Variants in SGMS1 observed in about 807,000 individuals in gnomAD.
The protein encoded by SGMS1 is phosphatidylcholine:ceramide cholinephosphotransferase 1.
A neutral mutation model predicts 46.2 loss-of-function variants in SGMS1; 13 were observed. The ratio of observed to expected loss-of-function variants is 0.28; its 90% CI spans 0.18 to 0.45. SGMS1 has a LOEUF of 0.45. Ranked by LOEUF, SGMS1 falls within the 20% of genes least tolerant of loss-of-function variation. The pLI is 1.00. For missense variants in SGMS1, 324 were observed against 519.9 expected (o/e 0.62, Z 3.66); for synonymous variants, 203 against 187.8 (o/e 1.08, Z -0.66).
chr10:50,508,314 T>C (rs911875667), intron 3 of SGMS1, among the ~76,000 whole-genome samples: 1 of 152,200 alleles, frequency 6.6e-6, no homozygotes, highest in African/African-American at 2.4e-5. Context: ...GGGGTCTCCA[T>C]GTCCTCATAG....
At chr10:50,425,679 A>C (rs1200552253) in intron 6 of SGMS1, among the ~76,000 whole-genome samples, 1 of 152,204 alleles carries the variant, frequency 6.6e-6, no homozygotes, top group East Asian at 1.9e-4. Flanking sequence ...ATTGTACTCC[A>C]AAACTCAGCA....
chr10:50,596,892 C>A lies in SGMS1; in HGVS notation c.-683-6645G>T, dbSNP rs140623064. Among the ~76,000 whole-genome samples the A allele has an allele frequency of 6.0e-4, 92 of 152,322 alleles. 1 individual carries two copies. The East Asian group carries it at 0.016, about 26-fold the overall frequency. ...ACACTGACTTGCTTAAAGTCAGTGA[C>A]TGCTAGTCCCACAGACTAGCAGATG... On this transcript the variant is annotated intron_variant, in intron 1 of 10. Transcript: ENST00000361781.
At chr10:50,544,072 C>T (rs1445224511) in intron 2 of SGMS1, among the ~76,000 whole-genome samples, 1 of 145,390 alleles carries the variant, frequency 6.9e-6, no homozygotes, top group African/African-American at 2.8e-5. Flanking sequence ...GGTTCTGATA[C>T]ATTTATTTCT....
At chr10:50,391,004 T>C (rs1038525741) in intron 6 of SGMS1, among the ~76,000 whole-genome samples, 1 of 152,186 alleles carries the variant, frequency 6.6e-6, no homozygotes, top group African/African-American at 2.4e-5. Context: ...AGAGGGGCTA[T>C]GCACTCTGCC....
intron 8 of SGMS1, among the ~76,000 whole-genome samples, chr10:50,322,004 C>T (rs1482015386): frequency 6.6e-6 from 1 of 152,210 alleles, no homozygotes; most frequent in East Asian, 1.9e-4. Context: ...AATATGAAGG[C>T]TGTTCTGCTG....
intron 1 of SGMS1, among the ~76,000 whole-genome samples, chr10:50,620,884 A>T (rs569652124): frequency 1.2e-4 from 18 of 152,144 alleles, no homozygotes; most frequent in Non-Finnish European, 2.4e-4. Context: ...TTTTAGTTAA[A>T]AATAATAATA....
chr10:50,368,327 T>A (rs1848381906), intron 6 of SGMS1, among the ~76,000 whole-genome samples: 1 of 152,116 alleles, frequency 6.6e-6, no homozygotes, highest in Non-Finnish European at 1.5e-5. Context: ...CTACAAATAT[T>A]TATTCTTGCT....
chr10:50,415,673 T>C (rs1477070229), intron 6 of SGMS1, among the ~76,000 whole-genome samples: 1 of 152,136 alleles, frequency 6.6e-6, no homozygotes, highest in Non-Finnish European at 1.5e-5. Flanking sequence ...TATGATGATA[T>C]GCCCACAGAT....
At chr10:50,431,973 C>T (rs1389950380) in intron 6 of SGMS1, among the ~76,000 whole-genome samples, 3 of 152,160 alleles carry the variant, frequency 2.0e-5, no homozygotes, top group Non-Finnish European at 4.4e-5. Context: ...TTGGTTTTGG[C>T]ATCTATTTTC....
At chr10:50,390,246 C>T (rs117846124) in intron 6 of SGMS1, among the ~76,000 whole-genome samples, 3,078 of 152,312 alleles carry the variant, frequency 0.02, 50 homozygotes, top group Middle Eastern at 0.034. Context: ...AATACACCTG[C>T]AGCAGACAAG....
intron 2 of SGMS1, among the ~76,000 whole-genome samples, chr10:50,537,593 C>G (rs3011786): frequency 0.17 from 25,334 of 149,944 alleles, 2,867 homozygotes; most frequent in Non-Finnish European, 0.25. Context: ...TCTCTTAATG[C>G]TATCCCTCCC....
chr10:50,582,783 G>A (rs908536256), intron 2 of SGMS1, among the ~76,000 whole-genome samples: 3 of 152,168 alleles, frequency 2.0e-5, no homozygotes, highest in African/African-American at 7.2e-5. Context: ...TTTAATCCAG[G>A]CCTACTTTCT....
rs1039964328 is a variant in SGMS1 at position 50,308,159 on chromosome 10, G to A, written c.896-11C>T. The stretch of plus-strand genomic sequence containing the variant: ...GTCGCCGAGGGGAATCTGAAAGGGG[G>A]AGAGATTTGCAATAGTCCCATTATT... On this transcript the variant is annotated splice_polypyrimidine_tract_variant and intron_variant, in intron 9 of 10. Transcript: ENST00000361781. The A allele has an allele frequency of 2.7e-5, 43 of 1,610,706 alleles. No homozygotes were observed. Among genetic ancestry groups the A allele is most frequent in the Non-Finnish European group, 3.5e-5 (41 of 1,178,038 alleles).
At chr10:50,524,487 C>T (rs1325020584) in intron 2 of SGMS1, among the ~76,000 whole-genome samples, 1 of 152,146 alleles carries the variant, frequency 6.6e-6, no homozygotes, top group African/African-American at 2.4e-5. Context: ...AAAATTTTTT[C>T]ATGCTAACCA....
At chr10:50,335,004 A>C (rs1847692550) in intron 7 of SGMS1, 1 of 152,224 alleles carries the variant, frequency 6.6e-6, no homozygotes, top group Admixed American at 6.5e-5. Flanking sequence ...TCATCAAGGG[A>C]GTACAGGGCA....
chr10:50,616,335 C>T lies in SGMS1; in HGVS notation c.-684+7372G>A, dbSNP rs61858146. On this transcript the variant is annotated intron_variant, in intron 1 of 10. Coordinates refer to ENST00000361781, the MANE Select transcript of SGMS1 (RefSeq NM_147156.4). ...TTATTTAGTAGAGACAGGGACTCAC[C>T]GTGTTGCCCAGACTGGCCTCAAACT... Among the ~76,000 whole-genome samples the T allele has an allele frequency of 4.6e-3, 697 of 152,152 alleles. 5 individuals are homozygous for T. Among genetic ancestry groups the T allele is most frequent in the Middle Eastern group, 0.017 (5 of 294 alleles).
intron 6 of SGMS1, among the ~76,000 whole-genome samples, chr10:50,347,207 A>G (rs1847929102): frequency 6.6e-6 from 1 of 152,178 alleles, no homozygotes; most frequent in African/African-American, 2.4e-5. Context: ...GCACCCATAG[A>G]TCTACATGCC....
At chr10:50,407,756 CAA>C (rs1356309561) in intron 6 of SGMS1, among the ~76,000 whole-genome samples, 1 of 151,456 alleles carries the variant, frequency 6.6e-6, no homozygotes, top group African/African-American at 2.4e-5. Context: ...TTCTAGGATT[CAA>C]AGTTTAAACC....
chr10:50,587,195 T>TAA (rs1308607515), intron 2 of SGMS1, among the ~76,000 whole-genome samples: 1 of 151,470 alleles, frequency 6.6e-6, no homozygotes, highest in African/African-American at 2.4e-5. Context: ...AGGGGCCACT[T>TAA]AAAGGCAGAT....
Sources: allele counts gnomAD v4.1 joint callset (sites outside exome capture counted in the v4.1 genomes callset), GRCh38; gene constraint gnomAD v4.1.1; transcripts MANE v1.5; gene names NCBI Gene and HGNC (gene_info 2026-07-23, HGNC 2026-07-21).